Variants in ATXN10 observed in about 807,000 individuals in gnomAD.
The protein encoded by ATXN10 is ataxin-10.
Under a neutral mutation model 52.9 loss-of-function variants are expected in ATXN10, and 28 were observed. The ratio of observed to expected loss-of-function variants is 0.53; its 90% CI spans 0.39 to 0.73. The LOEUF (loss-of-function observed/expected upper bound fraction) is 0.73, where lower values mean the gene tolerates loss of function less well. Ranked by LOEUF, ATXN10 falls within the 30% of genes least tolerant of loss-of-function variation. The probability of loss-of-function intolerance (pLI) is 0.00; values close to 1 mark genes in which losing one functional copy is unlikely to be tolerated. For synonymous variants in ATXN10, 226 were observed against 221.5 expected (o/e 1.02, Z -0.18); for missense variants, 565 against 577.0 (o/e 0.98, Z 0.21).
chr22:45,747,213 T>TC (rs1278979192), intron 9 of ATXN10, among the ~76,000 whole-genome samples: 1 of 152,134 alleles, frequency 6.6e-6, no homozygotes, highest in Admixed American at 6.6e-5. Context: ...ATTGAAAATG[T>TC]CTGGGGGGCC....
chr22:45,761,482 T>C (rs1038050815), intron 9 of ATXN10, among the ~76,000 whole-genome samples: 20 of 152,254 alleles, frequency 1.3e-4, no homozygotes, highest in African/African-American at 4.6e-4. Flanking sequence ...TAAGCACTTA[T>C]GTAATACTGT....
At chr22:45,764,636 G>A (rs977667501) in intron 9 of ATXN10, among the ~76,000 whole-genome samples, 4 of 152,196 alleles carry the variant, frequency 2.6e-5, no homozygotes, top group African/African-American at 9.7e-5. Context: ...ACCCTTGCAT[G>A]CTTTGGTGAA....
chr22:45,697,350 G>C (rs565861007), intron 3 of ATXN10, among the ~76,000 whole-genome samples: 1 of 152,008 alleles, frequency 6.6e-6, no homozygotes, highest in Non-Finnish European at 1.5e-5. Flanking sequence ...GGCCAGGCTG[G>C]TCTCGAACTC....
At chr22:45,758,082 G>C (rs1926240323) in intron 9 of ATXN10, among the ~76,000 whole-genome samples, 1 of 152,266 alleles carries the variant, frequency 6.6e-6, no homozygotes, top group Non-Finnish European at 1.5e-5. Context: ...GCCCCGTGCA[G>C]TGGGTAGGGG....
intron 9 of ATXN10, among the ~76,000 whole-genome samples, chr22:45,760,810 T>A (rs56898998): frequency 0.09 from 13,689 of 152,060 alleles, 795 homozygotes; most frequent in Middle Eastern, 0.16. Flanking sequence ...ATTTTAAGCC[T>A]CTTAGATTTT....
rs1346433097 is a variant in ATXN10 at position 45,750,033 on chromosome 22, TC to T, written c.1173+9497del. Among the ~76,000 whole-genome samples the T allele has an allele frequency of 2.6e-5, 4 of 152,234 alleles. No individual in the cohort carries two copies. The highest frequency in any genetic ancestry group is 5.9e-5 in the Non-Finnish European group (4 of 68,042). Reference sequence around the variant, plus strand: ...TTTGTAAAAGTCATGAATCCAGTTTTCCTAACTGCTACTCAGTTTTCTTTAC... The same window carrying T: ...TTTGTAAAAGTCATGAATCCAGTTTTCTAACTGCTACTCAGTTTTCTTTAC... On this transcript the variant is annotated intron_variant, in intron 9 of 11. Transcript: ENST00000252934. The surrounding 1 kb of genome is among the most constrained non-coding windows in gnomAD (Gnocchi z 4.2).
intron 10 of ATXN10, among the ~76,000 whole-genome samples, chr22:45,839,722 A>T (rs958321864): frequency 7.2e-5 from 11 of 152,184 alleles, no homozygotes; most frequent in African/African-American, 2.7e-4. Flanking sequence ...CTTTGATCCC[A>T]TCCACATGGG....
chr22:45,715,616 G>A lies in ATXN10; in HGVS notation c.648-2797G>A, dbSNP rs1208881084. On this transcript the variant is annotated intron_variant, in intron 5 of 11. Transcript: ENST00000252934. This position sits in a 1 kb window ranked among gnomAD's most constrained non-coding sequence, Gnocchi z 4.4. ...ACAATTCTTCTTCCAGTGTGGCCCA[G>A]GGAAGCCAAAAGATTGGACACCGCT... is the stretch of plus-strand genomic sequence containing the variant. 6.6e-6 allele frequency among the ~76,000 whole-genome samples: 1 copy of A among 152,170 alleles called. No homozygotes were observed. The highest frequency in any genetic ancestry group is 6.5e-5 in the Admixed American group (1 of 15,272).
At position 45,733,338 on chromosome 22, in the gene ATXN10, G is replaced by C. The variant is rs780824583; in HGVS notation, c.894+3748G>C. On this transcript the variant is annotated intron_variant, in intron 7 of 11. Coordinates refer to ENST00000252934, the MANE Select transcript of ATXN10 (RefSeq NM_013236.4). The surrounding 1 kb of genome is among the most constrained non-coding windows in gnomAD (Gnocchi z 4.4). ...TTTAATACATATTCTACAATAAATA[G>C]TGTATTTTTTCCACATATTAAGGGC... 6.6e-6 allele frequency among the ~76,000 whole-genome samples: 1 copy of C among 152,138 alleles called. No homozygotes were observed. The highest frequency in any genetic ancestry group is 1.5e-5 in the Non-Finnish European group (1 of 68,040).
intron 9 of ATXN10, among the ~76,000 whole-genome samples, chr22:45,802,834 G>T (rs1431672869): frequency 3.3e-5 from 5 of 152,060 alleles, no homozygotes; most frequent in Admixed American, 2.0e-4. Flanking sequence ...TTTGTAGAAA[G>T]TGAGGTGTTT....
chr22:45,692,167 GTTAATAC>G (rs901680220), intron 2 of ATXN10, among the ~76,000 whole-genome samples: 53 of 152,276 alleles, frequency 3.5e-4, no homozygotes, highest in African/African-American at 1.2e-3. Flanking sequence ...ACAAGTTTAT[GTTAATAC>G]TTTCTTTCAA....
intron 8 of ATXN10, among the ~76,000 whole-genome samples, chr22:45,739,158 G>A (rs115177843): frequency 3.0e-3 from 454 of 152,286 alleles, no homozygotes; most frequent in African/African-American, 0.011. Context: ...GCAGGTTTGC[G>A]ATGATGATTG....
chr22:45,844,769 C>T lies in ATXN10; in HGVS notation c.*1098C>T, dbSNP rs1929456896. ...AACTAATATATCCAGAGATTTTGCA[C>T]AATTCGTGTTGAACCTTCCAAAACA... On this transcript the variant is annotated 3_prime_UTR_variant, in exon 12 of 12. Transcript: ENST00000252934. The T allele has an allele frequency of 1.3e-5, 2 of 152,306 alleles. No individual in the cohort carries two copies. Among genetic ancestry groups the T allele is most frequent in the Non-Finnish European group, 2.9e-5 (2 of 68,016 alleles). The allele number at this position is 152,306 out of a possible 1,614,324, so 9.4% of individuals were successfully genotyped here. A position where few individuals can be genotyped will look rare whatever the true frequency, so the allele number is the denominator to read the frequency against.
intron 9 of ATXN10, among the ~76,000 whole-genome samples, chr22:45,791,622 A>G (rs1927513805): frequency 6.6e-6 from 1 of 152,210 alleles, no homozygotes; most frequent in Non-Finnish European, 1.5e-5. Context: ...ATTTTTGAGA[A>G]AAGTCTGCCT....
intron 9 of ATXN10, among the ~76,000 whole-genome samples, chr22:45,800,442 C>CAACA (rs1183710410): frequency 1.3e-5 from 2 of 152,200 alleles, no homozygotes; most frequent in Non-Finnish European, 2.9e-5. Flanking sequence ...AAACGGCTGA[C>CAACA]AACATATCAA....
intron 10 of ATXN10, among the ~76,000 whole-genome samples, chr22:45,831,701 G>T (rs1438029515): frequency 6.6e-6 from 1 of 152,236 alleles, no homozygotes; most frequent in Non-Finnish European, 1.5e-5. Context: ...CAGTGGAACA[G>T]CAATGCAATT....
At position 45,689,834 on chromosome 22, in the gene ATXN10, TAATAAC is replaced by T; in HGVS notation, c.241_246del (p.Ile81_Thr82del). 1 of 1,614,256 alleles carries T rather than the reference TAATAAC, an allele frequency of 6.2e-7. No individual in the cohort carries two copies. The highest frequency in any genetic ancestry group is 2.2e-5 in the East Asian group (1 of 44,882). On this transcript the variant is annotated inframe_deletion, in exon 2 of 12. Coordinates refer to ENST00000252934, the MANE Select transcript of ATXN10 (RefSeq NM_013236.4). Reference sequence around the variant, plus strand: ...GAAAACCTGGCTTCCAGTCTGCAGTTAATAACAGAATGCTTCAGGTGTCTTCGCAAT... The same window carrying T: ...GAAAACCTGGCTTCCAGTCTGCAGTTAGAATGCTTCAGGTGTCTTCGCAAT...
intron 9 of ATXN10, chr22:45,793,696 G>T (rs747651508): frequency 6.8e-7 from 1 of 1,477,974 alleles, no homozygotes; most frequent in African/African-American, 1.4e-5. Context: ...CAATCACACA[G>T]CTCCATGCTG....
intron 9 of ATXN10, among the ~76,000 whole-genome samples, chr22:45,806,230 A>G (rs754484182): frequency 6.6e-6 from 1 of 152,188 alleles, no homozygotes; most frequent in Non-Finnish European, 1.5e-5. Flanking sequence ...ATTTGTTGTC[A>G]GACTTGGTTA....
Sources: allele counts gnomAD v4.1 joint callset (sites outside exome capture counted in the v4.1 genomes callset), GRCh38; gene constraint gnomAD v4.1.1; non-coding constraint Gnocchi (gnomAD v3.1); transcripts MANE v1.5; gene names NCBI Gene and HGNC (gene_info 2026-07-23, HGNC 2026-07-21).